Variants in RASEF observed in about 807,000 individuals in gnomAD.
RASEF encodes the protein ras and EF-hand domain-containing protein.
Under a neutral mutation model 90.1 loss-of-function variants are expected in RASEF, and 68 were observed. The ratio of observed to expected loss-of-function variants is 0.75; its 90% CI spans 0.62 to 0.92. The LOEUF is 0.92. RASEF is among the 40% of genes least tolerant of loss of function. RASEF has a pLI of 0.00. For missense variants in RASEF, 949 were observed against 937.2 expected, an observed-to-expected ratio of 1.01 and a Z score of -0.16; for synonymous variants, 331 against 345.2, an observed-to-expected ratio of 0.96 and a Z score of 0.46.
chr9:83,042,380 A>T (rs1829858712), intron 1 of RASEF, among the ~76,000 whole-genome samples: 1 of 152,234 alleles, frequency 6.6e-6, no homozygotes, highest in Non-Finnish European at 1.5e-5. Context: ...GATTAAAAAT[A>T]ATTTCAGTGA....
chr9:83,211,121 C>G, the RASEF span, among the ~76,000 whole-genome samples: 1 of 152,234 alleles, frequency 6.6e-6, no homozygotes, highest in South Asian at 2.1e-4. Context: ...GGATTCAATT[C>G]AAAATCATGC....
rs772336125 is a variant in RASEF at position 83,062,544 on chromosome 9, G to GTCGCCTTCGTCCTCC, written c.309_323dup (p.Glu103_Gly107dup). 19 of 1,603,926 alleles carry GTCGCCTTCGTCCTCC rather than the reference G, an allele frequency of 1.2e-5. 2 individuals carry two copies. In the South Asian group the frequency reaches 1.9e-4, roughly 16 times the overall value. On this transcript the variant is annotated inframe_insertion, in exon 1 of 17. Coordinates refer to ENST00000376447, the MANE Select transcript of RASEF (RefSeq NM_152573.4). ...TGGCCAGCGCCGCCGCCGCGTCCTCGTCGCCTTCGTCCTCCTCGCTGTCGT... is the reference window on the plus strand; with the variant it reads ...TGGCCAGCGCCGCCGCCGCGTCCTCGTCGCCTTCGTCCTCCTCGCCTTCGTCCTCCTCGCTGTCGT...
At chr9:83,132,906 C>T in the RASEF span, among the ~76,000 whole-genome samples, 2 of 152,324 alleles carry the variant, frequency 1.3e-5, no homozygotes, top group East Asian at 1.9e-4. Context: ...GAAAGAGCCA[C>T]CTCTTGGTAA....
At chr9:82,992,394 A>C (rs1026839632) in intron 15 of RASEF, among the ~76,000 whole-genome samples, 1 of 152,172 alleles carries the variant, frequency 6.6e-6, no homozygotes, top group Non-Finnish European at 1.5e-5. Context: ...CATACCCCAA[A>C]ATGCATATGC....
chr9:83,161,492 A>T, the RASEF span, among the ~76,000 whole-genome samples: 1 of 152,084 alleles, frequency 6.6e-6, no homozygotes, highest in East Asian at 1.9e-4. Context: ...CTGTACCTGC[A>T]TTGTATCTAG....
chr9:83,004,574 T>C lies in RASEF; in HGVS notation c.1126A>G (p.Ile376Val), dbSNP rs1164939723. The change falls in exon 9 of 17, where the codon ATC becomes GTC. Residue 376 changes from isoleucine to valine, a missense_variant. Physicochemically the swap from Ile to Val is conservative, Grantham distance 29 (BLOSUM62 3). This residue lies in a region of RASEF where 656 missense variants were observed against 592.2 expected (regional missense o/e 1.11). Coordinates refer to ENST00000376447, the MANE Select transcript of RASEF (RefSeq NM_152573.4). Reference protein sequence around the residue: ...KFNRSLHINNISPGNTISRSS... With the variant: ...KFNRSLHINNVSPGNTISRSS... ...CTAGAAATTGTATTCCCTGGTGAGA[T>C]ATTATTTATATGCTGTAATATAGAA... 6.4e-7 allele frequency: 1 copy of C among 1,565,918 alleles called. No individual in the cohort carries two copies. The highest frequency in any genetic ancestry group is 2.2e-5 in the East Asian group (1 of 44,558).
the RASEF span, among the ~76,000 whole-genome samples, chr9:83,210,913 G>C: frequency 2.0e-5 from 3 of 152,176 alleles, no homozygotes; most frequent in East Asian, 5.8e-4. Context: ...TTATCCCCTT[G>C]AGAGTAAGTT....
Position 83,004,486 on chromosome 9 carries a change from G to A in RASEF, c.1202+12C>T, listed in dbSNP as rs778576561. On this transcript the variant is annotated intron_variant, in intron 9 of 16. Coordinates refer to ENST00000376447, the MANE Select transcript of RASEF (RefSeq NM_152573.4). ...CTGAACTTGAACAGAAAGTTAAGAC[G>A]AGTTAACATACCTGTCATAGCCTAG... The A allele has an allele frequency of 1.2e-5, 18 of 1,524,502 alleles. No homozygotes were observed. The highest frequency in any genetic ancestry group is 1.6e-5 in the Non-Finnish European group (18 of 1,099,116). 94.4% of individuals were successfully genotyped at this position (1,524,502 alleles called of 1,614,324 possible). A position where few individuals can be genotyped will look rare whatever the true frequency, so the allele number is the denominator to read the frequency against.
the RASEF span, among the ~76,000 whole-genome samples, chr9:83,203,439 C>A: frequency 5.3e-5 from 8 of 152,024 alleles, no homozygotes; most frequent in African/African-American, 1.9e-4. Context: ...CAATACCTGG[C>A]TAATTTTTGT....
intron 4 of RASEF, among the ~76,000 whole-genome samples, chr9:83,013,206 A>G (rs1222512842): frequency 3.3e-5 from 5 of 152,280 alleles, no homozygotes; most frequent in African/African-American, 1.2e-4. Flanking sequence ...CTGGAGAACA[A>G]CAACAACAAC....
chr9:83,124,218 T>C, the RASEF span, among the ~76,000 whole-genome samples: 3 of 152,330 alleles, frequency 2.0e-5, no homozygotes, highest in South Asian at 2.1e-4. Flanking sequence ...TTAAGTTGCT[T>C]CTATCTTTTG....
chr9:82,988,714 G>A (rs1484126778), intron 16 of RASEF, among the ~76,000 whole-genome samples: 3 of 151,978 alleles, frequency 2.0e-5, no homozygotes, highest in African/African-American at 4.8e-5. Flanking sequence ...CTGGCTCCCC[G>A]TCACCTTCCA....
chr9:83,023,340 C>G (rs1367387149), intron 2 of RASEF, among the ~76,000 whole-genome samples: 3 of 152,148 alleles, frequency 2.0e-5, no homozygotes, highest in Non-Finnish European at 4.4e-5. Context: ...TGATTTGCAT[C>G]TAAACCATGA....
intron 4 of RASEF, 66 bp from the exon 5 acceptor site, chr9:83,012,577 A>C: frequency 1.1e-6 from 1 of 911,728 alleles, no homozygotes; most frequent in Non-Finnish European, 1.7e-6. Flanking sequence ...TAAGTTTAGG[A>C]CTATCCTTGA....
chr9:83,202,759 T>C, the RASEF span, among the ~76,000 whole-genome samples: 1 of 152,270 alleles, frequency 6.6e-6, no homozygotes, highest in East Asian at 1.9e-4. Flanking sequence ...CGCAAAGTGC[T>C]GGGATTACAG....
At chr9:83,177,101 A>G in the RASEF span, among the ~76,000 whole-genome samples, 1 of 152,146 alleles carries the variant, frequency 6.6e-6, no homozygotes, top group African/African-American at 2.4e-5. Flanking sequence ...CAATACAAGT[A>G]TATACATATT....
chr9:83,144,368 AAAG>A, the RASEF span, among the ~76,000 whole-genome samples: 1 of 92,234 alleles, frequency 1.1e-5, no homozygotes, highest in African/African-American at 5.1e-5. Context: ...AGAAAGAAAG[AAAG>A]AAAGAAAGAA....
At chr9:83,125,310 T>C in the RASEF span, among the ~76,000 whole-genome samples, 1 of 152,156 alleles carries the variant, frequency 6.6e-6, no homozygotes, top group Non-Finnish European at 1.5e-5. Flanking sequence ...TGAAAACAGA[T>C]TCTCCTCTAG....
At chr9:83,191,211 T>C in the RASEF span, among the ~76,000 whole-genome samples, 1 of 152,196 alleles carries the variant, frequency 6.6e-6, no homozygotes, top group African/African-American at 2.4e-5. Context: ...AAGGAAAACC[T>C]ATCCTGGGAA....
Sources: gnomAD v4.1 joint callset for allele counts (sites outside exome capture counted in the v4.1 genomes callset) on GRCh38, gnomAD v4.1.1 for gene constraint, gnomAD v4.1.1 regional missense constraint, MANE v1.5 for transcripts, NCBI Gene and HGNC (gene_info 2026-07-23, HGNC 2026-07-21) for gene names.